ACBD5: variants seen among roughly 807,000 people sequenced by gnomAD.
ACBD5 encodes acyl-CoA-binding domain-containing protein 5.
A neutral mutation model predicts 71.8 loss-of-function variants in ACBD5; 40 were observed. The ratio of observed to expected loss-of-function variants is 0.56; its 90% confidence interval spans 0.43 to 0.72. ACBD5 has a LOEUF of 0.72. ACBD5 is among the 30% of genes least tolerant of loss of function. The pLI, the probability that ACBD5 is intolerant of heterozygous loss-of-function variation, is 0.00. For synonymous variants in ACBD5, 229 were observed against 218.6 expected (o/e 1.05, Z -0.42); for missense variants, 559 against 644.5 (o/e 0.87, Z 1.44).
rs1235291923 is a variant in ACBD5, at chr10:27,195,535, C to T, written c.*1895G>A. 3 of 452,434 alleles carry T rather than the reference C, an allele frequency of 6.6e-6. No homozygotes were observed. Among genetic ancestry groups the T allele is most frequent in the African/African-American group, 2.0e-5 (1 of 49,892 alleles). The allele number at this position is 452,434 out of a possible 1,614,324, so 28.0% of individuals were successfully genotyped here. On this transcript the variant is annotated 3_prime_UTR_variant, in exon 13 of 13. Coordinates refer to ENST00000396271, the MANE Select transcript of ACBD5 (RefSeq NM_145698.5). Reference sequence around the variant, plus strand: ...TATTTATATACTAAGAGAAAAGACACTTTTTACTGATACCAAATTGATATC... The same window carrying T: ...TATTTATATACTAAGAGAAAAGACATTTTTTACTGATACCAAATTGATATC...
intron 13 of ACBD5, among the ~76,000 whole-genome samples, chr10:27,187,946 C>A (rs1295941907): frequency 6.6e-6 from 1 of 152,124 alleles, no homozygotes; most frequent in Non-Finnish European, 1.5e-5. Context: ...ATATAACTAT[C>A]ACAAGTACAT....
Position 27,235,144 on chromosome 10 carries a change from G to A in ACBD5, c.250C>T (p.Pro84Ser). 1 of 1,613,842 alleles carries A rather than the reference G, an allele frequency of 6.2e-7. No homozygotes were observed. ...AATCCAGGCCTTGAAAGTTTACAGGGTCCTTCAGTTGCCTGCTTATAGAAG... is the reference window on the plus strand; with the variant it reads ...AATCCAGGCCTTGAAAGTTTACAGGATCCTTCAGTTGCCTGCTTATAGAAG... ...YSFYKQATEGPCKLSRPGFWD... is the reference protein window; with the variant it reads ...YSFYKQATEGSCKLSRPGFWD... Residue 84 changes from proline to serine, a missense_variant, in exon 3 of 13, where the codon CCC becomes TCC. By Grantham distance (74) the Pro-to-Ser change is moderately conservative. Coordinates refer to ENST00000396271, the MANE Select transcript of ACBD5 (RefSeq NM_145698.5).
chr10:27,223,176 C>T (rs942978203), intron 5 of ACBD5, 162 bp downstream of exon 5: 8 of 726,856 alleles, frequency 1.1e-5, no homozygotes, highest in Non-Finnish European at 1.8e-5. Flanking sequence ...AAATTTTAAA[C>T]AAAACTTTTA....
At chr10:27,204,588 T>A in intron 11 of ACBD5, 39 bp from the exon 12 acceptor site, 1 of 1,413,848 alleles carries the variant, frequency 7.1e-7, no homozygotes, top group Non-Finnish European at 1.0e-6. Flanking sequence ...ATCTATTCAA[T>A]ACTGCATGTA....
rs1266247317 is a variant in ACBD5 at position 27,240,538 on chromosome 10, G to C, written c.16-54C>G. 2.6e-6 allele frequency: 4 copies of C among 1,552,936 alleles called. No individual in the cohort carries two copies. The African/African-American group carries it at 5.5e-5, about 21-fold the overall frequency. On this transcript the variant is annotated intron_variant, in intron 1 of 12. Coordinates refer to ENST00000396271, the MANE Select transcript of ACBD5 (RefSeq NM_145698.5). This position sits in a 1 kb window ranked among gnomAD's most constrained non-coding sequence, Gnocchi z 4.1. ...ACATGCCCCAAAAGGAGGAGGCCCG[G>C]GAGCGAAGCGGGTCAGTTCCCCTTT... is the stretch of plus-strand genomic sequence containing the variant.
At chr10:27,201,987 T>A (rs575412149) in intron 12 of ACBD5, among the ~76,000 whole-genome samples, 1 of 152,282 alleles carries the variant, frequency 6.6e-6, no homozygotes, top group African/African-American at 2.4e-5. Flanking sequence ...TGCCAGACAC[T>A]GTTTTGGGGA....
intron 8 of ACBD5, among the ~76,000 whole-genome samples, chr10:27,212,602 A>G (rs1181265148): frequency 7.0e-6 from 1 of 142,252 alleles, no homozygotes; most frequent in Non-Finnish European, 1.5e-5. Context: ...TTTTTGAGAC[A>G]AGTTCTGGCT....
At chr10:27,226,625 C>T (rs999798614) in intron 4 of ACBD5, among the ~76,000 whole-genome samples, 7 of 145,986 alleles carry the variant, frequency 4.8e-5, no homozygotes, top group Non-Finnish European at 9.0e-5. Flanking sequence ...AACACAAATT[C>T]GTAAACTTTC....
intron 7 of ACBD5, among the ~76,000 whole-genome samples, chr10:27,216,196 A>C (rs1480474268): frequency 6.6e-6 from 1 of 151,524 alleles, no homozygotes; most frequent in Non-Finnish European, 1.5e-5. Flanking sequence ...GCTGGAGTGC[A>C]GTGGTGTGAT....
intron 2 of ACBD5, among the ~76,000 whole-genome samples, chr10:27,237,113 CTT>C (rs1040699315): frequency 6.6e-5 from 10 of 151,810 alleles, no homozygotes; most frequent in Non-Finnish European, 1.3e-4. Flanking sequence ...AAAATGGTCA[CTT>C]ATTTAAATAA....
At chr10:27,239,483 A>C (rs1392994993) in intron 2 of ACBD5, among the ~76,000 whole-genome samples, 1 of 152,210 alleles carries the variant, frequency 6.6e-6, no homozygotes, top group Non-Finnish European at 1.5e-5. Context: ...CATTAAATAC[A>C]AGAAGGAGAT....
intron 5 of ACBD5, among the ~76,000 whole-genome samples, chr10:27,222,054 G>C (rs2062419582): frequency 6.6e-6 from 1 of 152,046 alleles, no homozygotes; most frequent in Non-Finnish European, 1.5e-5. Context: ...TGATGTGGTA[G>C]AGTTATGCCC....
intron 13 of ACBD5, among the ~76,000 whole-genome samples, chr10:27,188,057 T>G (rs1362251979): frequency 6.6e-6 from 1 of 152,182 alleles, no homozygotes; most frequent in Non-Finnish European, 1.5e-5. Context: ...TTACTTTCCA[T>G]TACCATCCCA....
chr10:27,223,406 CGCA>C lies in ACBD5; in HGVS notation c.419_421del (p.Leu140del). The stretch of plus-strand genomic sequence containing the variant: ...AATTTCATAAAATGGACCTATGACA[CGCA>C]GCAATTCTTCAACTTTCTCAGTCAT... On this transcript the variant is annotated inframe_deletion, in exon 5 of 13. Transcript: ENST00000396271. The C allele has an allele frequency of 2.5e-6, 4 of 1,613,766 alleles. No individual in the cohort carries two copies. Among genetic ancestry groups the C allele is most frequent in the Non-Finnish European group, 3.4e-6 (4 of 1,179,996 alleles).
intron 5 of ACBD5, among the ~76,000 whole-genome samples, chr10:27,222,561 CT>C (rs534275946): frequency 1.5e-3 from 228 of 151,418 alleles, no homozygotes; most frequent in African/African-American, 5.2e-3. Context: ...TTTTTAATTT[CT>C]TTTTTTGTTT....
chr10:27,217,953 G>A (rs1264937310), intron 7 of ACBD5, 27 bp downstream of exon 7: 18 of 1,600,970 alleles, frequency 1.1e-5, no homozygotes, highest in Non-Finnish European at 1.5e-5. Context: ...GAAAGAGGCT[G>A]GACACAGAAT....
downstream of ACBD5, among the ~76,000 whole-genome samples, chr10:27,194,639 T>TAATAAA (rs2059234440): frequency 6.8e-6 from 1 of 147,884 alleles, no homozygotes; most frequent in Non-Finnish European, 1.5e-5. Context: ...ATAATAATAA[T>TAATAAA]AATAATAATA....
intron 6 of ACBD5, among the ~76,000 whole-genome samples, chr10:27,218,923 A>C (rs777872378): frequency 1.1e-4 from 16 of 152,064 alleles, no homozygotes; most frequent in Non-Finnish European, 1.8e-4. Context: ...CCCCTTTTGA[A>C]AACAGTCTTC....
chr10:27,205,184 A>T lies in ACBD5; in HGVS notation c.1455+14T>A, dbSNP rs547731619. On this transcript the variant is annotated intron_variant, in intron 11 of 12. Transcript: ENST00000396271. The stretch of plus-strand genomic sequence containing the variant: ...TGAAACCCTGGCATTTAAATTTTTT[A>T]AAAAATGTCTTACCTGTGAGGTGGG... 4.4e-5 allele frequency: 71 copies of T among 1,610,152 alleles called. No individual in the cohort carries two copies. The African/African-American group carries it at 7.1e-4, about 16-fold the overall frequency.
Sources: gnomAD v4.1 joint callset for allele counts (sites outside exome capture counted in the v4.1 genomes callset) on GRCh38, gnomAD v4.1.1 for gene constraint, Gnocchi (gnomAD v3.1) non-coding constraint, MANE v1.5 for transcripts, NCBI Gene and HGNC (gene_info 2026-07-23, HGNC 2026-07-21) for gene names.